MARCHF1: variants seen among roughly 807,000 people sequenced by gnomAD.
MARCHF1 encodes the protein E3 ubiquitin-protein ligase MARCHF1.
A neutral mutation model predicts 54.2 loss-of-function variants in MARCHF1; 40 were observed. The ratio of observed to expected loss-of-function variants is 0.74; its 90% confidence interval spans 0.57 to 0.96. The LOEUF is 0.96. Among genes scored for constraint, MARCHF1 ranks in the 40% least tolerant of loss-of-function variants. The pLI, the probability that MARCHF1 is intolerant of heterozygous loss-of-function variation, is 0.00. For synonymous variants in MARCHF1, 236 were observed against 236.3 expected (o/e 1.00, Z 0.01); for missense variants, 586 against 656.5 (o/e 0.89, Z 1.17).
intron 8 of MARCHF1, among the ~76,000 whole-genome samples, chr4:163,553,345 G>A (rs1273036561): frequency 6.6e-6 from 1 of 152,216 alleles, no homozygotes; most frequent in Middle Eastern, 3.2e-3. Context: ...GCGTCATGCT[G>A]ATAACATCTC....
intron 1 of MARCHF1, among the ~76,000 whole-genome samples, chr4:164,322,251 G>C (rs1395976195): frequency 6.6e-6 from 1 of 151,884 alleles, no homozygotes; most frequent in Non-Finnish European, 1.5e-5. Context: ...AGTAGTGTTG[G>C]GTAAAAATAC....
At chr4:164,279,427 G>A (rs1362849827) in intron 1 of MARCHF1, among the ~76,000 whole-genome samples, 1 of 151,212 alleles carries the variant, frequency 6.6e-6, no homozygotes, top group African/African-American at 2.4e-5. Flanking sequence ...ATATATAAAT[G>A]ATAAAGATGT....
At chr4:164,054,013 G>A (rs943357955) in intron 2 of MARCHF1, among the ~76,000 whole-genome samples, 29 of 152,032 alleles carry the variant, frequency 1.9e-4, no homozygotes, top group Admixed American at 4.6e-4. Context: ...GAAAATTTTC[G>A]CAACCTACTC....
intron 1 of MARCHF1, among the ~76,000 whole-genome samples, chr4:164,277,073 GT>G (rs1733906101): frequency 6.6e-6 from 1 of 151,802 alleles, no homozygotes; most frequent in African/African-American, 2.4e-5. Flanking sequence ...CATCATGCCT[GT>G]TTGCAGTTAT....
chr4:164,092,844 C>T (rs1755333339), intron 2 of MARCHF1, among the ~76,000 whole-genome samples: 1 of 152,084 alleles, frequency 6.6e-6, no homozygotes, highest in Non-Finnish European at 1.5e-5. Flanking sequence ...TACACTGGAG[C>T]AGAAAAGATT....
chr4:163,678,009 G>C (rs771369029), intron 5 of MARCHF1, among the ~76,000 whole-genome samples: 3 of 152,192 alleles, frequency 2.0e-5, no homozygotes, highest in Non-Finnish European at 2.9e-5. Context: ...ATGGTGCCTA[G>C]AATTTAGCAG....
chr4:164,161,216 C>T (rs916752016), intron 1 of MARCHF1, among the ~76,000 whole-genome samples: 3 of 152,162 alleles, frequency 2.0e-5, no homozygotes, highest in South Asian at 2.1e-4. Flanking sequence ...AGTTGTTCTG[C>T]GATCTGGTTG....
intron 9 of MARCHF1, among the ~76,000 whole-genome samples, chr4:163,532,255 A>G (rs1738379229): frequency 6.6e-6 from 1 of 151,946 alleles, no homozygotes; most frequent in African/African-American, 2.4e-5. Flanking sequence ...AAATCATTGA[A>G]ACAGAATAGC....
intron 7 of MARCHF1, among the ~76,000 whole-genome samples, chr4:163,601,868 A>G (rs545843372): frequency 2.9e-4 from 44 of 152,190 alleles, no homozygotes; most frequent in African/African-American, 1.0e-3. Flanking sequence ...GTGACTGTTT[A>G]GCTAAATTAG....
At chr4:163,775,166 GCAAA>G (rs769310591) in intron 4 of MARCHF1, among the ~76,000 whole-genome samples, 26 of 152,252 alleles carry the variant, frequency 1.7e-4, no homozygotes, top group Non-Finnish European at 3.5e-4. Flanking sequence ...TGTTGCAAAA[GCAAA>G]CAAACAGCTT....
intron 5 of MARCHF1, among the ~76,000 whole-genome samples, chr4:163,679,742 A>G (rs1259190930): frequency 2.6e-5 from 4 of 151,584 alleles, no homozygotes; most frequent in African/African-American, 9.7e-5. Context: ...CCTCCCGAGT[A>G]GCTGGGACTA....
chr4:164,020,206 C>T (rs562605497), intron 2 of MARCHF1, among the ~76,000 whole-genome samples: 3 of 152,180 alleles, frequency 2.0e-5, no homozygotes, highest in South Asian at 4.2e-4. Flanking sequence ...ATAAATAAAT[C>T]GTATATACTG....
chr4:164,184,992 ATT>A (rs760476576), intron 1 of MARCHF1, among the ~76,000 whole-genome samples: 1 of 152,346 alleles, frequency 6.6e-6, no homozygotes, highest in Admixed American at 6.5e-5. Flanking sequence ...TAAATTTCAT[ATT>A]GTTTGTATCT....
At chr4:163,662,227 T>G (rs886417994) in intron 5 of MARCHF1, among the ~76,000 whole-genome samples, 1 of 152,030 alleles carries the variant, frequency 6.6e-6, no homozygotes, top group Non-Finnish European at 1.5e-5. Context: ...TAATGAAATT[T>G]CACATATTGT....
chr4:163,952,952 T>A (rs1408072672), intron 3 of MARCHF1, among the ~76,000 whole-genome samples: 3 of 152,118 alleles, frequency 2.0e-5, no homozygotes. Context: ...TTCATCAGGC[T>A]AGAAAGGCTA....
chr4:163,567,440 C>G (rs1739681592), intron 8 of MARCHF1, among the ~76,000 whole-genome samples: 1 of 152,166 alleles, frequency 6.6e-6, no homozygotes, highest in Admixed American at 6.6e-5. Flanking sequence ...CTTATGCCTA[C>G]TGAACCAAGA....
At chr4:163,592,142 C>A (rs1740610621) in intron 7 of MARCHF1, among the ~76,000 whole-genome samples, 1 of 152,126 alleles carries the variant, frequency 6.6e-6, no homozygotes, top group South Asian at 2.1e-4. Context: ...GTTCAAAATA[C>A]AATCATGACA....
intron 4 of MARCHF1, among the ~76,000 whole-genome samples, chr4:163,843,541 A>ATTAT (rs1749399315): frequency 1.3e-5 from 2 of 151,260 alleles, no homozygotes; most frequent in East Asian, 3.9e-4. Context: ...TTTTTTAATT[A>ATTAT]TTATTTTTTA....
chr4:163,600,488 A>G (rs1161531848), intron 7 of MARCHF1, among the ~76,000 whole-genome samples: 1 of 152,150 alleles, frequency 6.6e-6, no homozygotes, highest in Non-Finnish European at 1.5e-5. Flanking sequence ...TTCTAGCTCT[A>G]ACTGGTGGAG....
Sources: allele counts gnomAD v4.1 joint callset (sites outside exome capture counted in the v4.1 genomes callset), GRCh38; gene constraint gnomAD v4.1.1; transcripts MANE v1.5; gene names NCBI Gene and HGNC (gene_info 2026-07-23, HGNC 2026-07-21).